Variants in ACYP2 observed in about 807,000 individuals in gnomAD.
ACYP2 encodes acylphosphatase-2.
A neutral mutation model predicts 11.2 loss-of-function variants in ACYP2; 12 were observed. That is an observed-to-expected ratio of 1.08 (90% confidence interval 0.69 to 1.74). The LOEUF is 1.74. Ranked by LOEUF, ACYP2 falls within the 40% of genes most tolerant of loss-of-function variation. The probability of loss-of-function intolerance (pLI) is 0.00; values close to 1 mark genes in which losing one functional copy is unlikely to be tolerated. For synonymous variants in ACYP2, 43 were observed against 32.2 expected (o/e 1.33, Z -1.13); for missense variants, 134 against 101.9 (o/e 1.31, Z -1.35).
chr2:54,255,844 G>A (rs778072428), intron 6 of ACYP2: 1 of 1,613,986 alleles, frequency 6.2e-7, no homozygotes, highest in Admixed American at 1.7e-5. Flanking sequence ...TGTCAGCGAG[G>A]CAGAGGCCGC....
chr2:54,170,572 T>A lies in ACYP2; in HGVS notation c.404+31824T>A, dbSNP rs1683181580. ...GAAATTTTTCTTAAAACAGTTTTTT[T>A]TTTTTTTTAAAATCACAGAATAGAC... On this transcript the variant is annotated intron_variant, in intron 6 of 6. Coordinates refer to ENST00000607452, the MANE Select transcript of ACYP2 (RefSeq NM_001320586.2). Among the ~76,000 whole-genome samples, 4 of 131,148 alleles carry A rather than the reference T, an allele frequency of 3.0e-5. No individual in the cohort carries two copies. The South Asian group carries it at 1.0e-3, about 34-fold the overall frequency. 86.0% of individuals were successfully genotyped at this position (131,148 alleles called of 152,430 possible). A position where few individuals can be genotyped will look rare whatever the true frequency, so the allele number is the denominator to read the frequency against.
intron 2 of ACYP2, among the ~76,000 whole-genome samples, chr2:54,003,129 A>G (rs756950060): frequency 2.6e-5 from 4 of 151,248 alleles, no homozygotes; most frequent in Admixed American, 6.6e-5. Context: ...TTTTATTTTT[A>G]ATAAGGACAG....
At chr2:54,258,427 C>G (rs899942011) in intron 6 of ACYP2, among the ~76,000 whole-genome samples, 2 of 152,046 alleles carry the variant, frequency 1.3e-5, no homozygotes, top group African/African-American at 4.8e-5. Context: ...AACAAGGAGG[C>G]CAGCGTGACT....
chr2:54,116,428 T>C (rs529119890), intron 4 of ACYP2, among the ~76,000 whole-genome samples: 8 of 151,964 alleles, frequency 5.3e-5, no homozygotes, highest in Admixed American at 3.9e-4. Flanking sequence ...GAAATTTTAC[T>C]CATTTCTTTT....
At chr2:54,000,405 C>T (rs2075959988) in intron 2 of ACYP2, among the ~76,000 whole-genome samples, 1 of 152,140 alleles carries the variant, frequency 6.6e-6, no homozygotes, top group South Asian at 2.1e-4. Context: ...TTCTGGAATC[C>T]ATGATCTGTA....
intron 6 of ACYP2, among the ~76,000 whole-genome samples, chr2:54,209,461 A>G (rs1194416320): frequency 6.6e-6 from 1 of 152,202 alleles, no homozygotes; most frequent in Non-Finnish European, 1.5e-5. Flanking sequence ...TCAGTCAACA[A>G]GTACACTTCT....
chr2:54,179,676 G>C (rs528467552), intron 6 of ACYP2, among the ~76,000 whole-genome samples: 6 of 152,234 alleles, frequency 3.9e-5, no homozygotes, highest in Non-Finnish European at 8.8e-5. Context: ...CAGCAATGAG[G>C]ATGACCAGAG....
At chr2:53,995,062 C>T (rs1265558759) in intron 2 of ACYP2, among the ~76,000 whole-genome samples, 1 of 152,266 alleles carries the variant, frequency 6.6e-6, no homozygotes, top group East Asian at 1.9e-4. Context: ...AAAGAATATT[C>T]AAAAGAAATT....
chr2:54,012,292 G>A (rs966775417), intron 2 of ACYP2, among the ~76,000 whole-genome samples: 3 of 151,566 alleles, frequency 2.0e-5, no homozygotes, highest in Non-Finnish European at 2.9e-5. Context: ...GATCACTTAA[G>A]TTTAGGAGTT....
At chr2:54,265,819 C>T (rs1358884161) in intron 6 of ACYP2, among the ~76,000 whole-genome samples, 1 of 152,132 alleles carries the variant, frequency 6.6e-6, no homozygotes, top group Non-Finnish European at 1.5e-5. Flanking sequence ...TGCCTACCTC[C>T]CAGAATTGTT....
At chr2:54,166,911 C>T (rs1004705889) in intron 6 of ACYP2, 6 of 152,020 alleles carry the variant, frequency 3.9e-5, no homozygotes, top group Admixed American at 1.3e-4. Context: ...ATAAAGGACT[C>T]TTAAAATTTA....
intron 6 of ACYP2, among the ~76,000 whole-genome samples, chr2:54,273,041 C>T (rs972645013): frequency 6.6e-6 from 1 of 152,150 alleles, no homozygotes; most frequent in Non-Finnish European, 1.5e-5. Flanking sequence ...TAGGAAGGAT[C>T]AAGGTGGGAA....
intron 6 of ACYP2, among the ~76,000 whole-genome samples, chr2:54,151,656 G>A (rs1182973170): frequency 2.0e-5 from 3 of 151,936 alleles, no homozygotes; most frequent in Non-Finnish European, 4.4e-5. Flanking sequence ...CAGTAGAGTT[G>A]GAATTCTAAC....
At chr2:54,106,361 G>C (rs901751763) in intron 4 of ACYP2, among the ~76,000 whole-genome samples, 1 of 151,820 alleles carries the variant, frequency 6.6e-6, no homozygotes, top group Non-Finnish European at 1.5e-5. Flanking sequence ...ACCGTTCCCA[G>C]ACAAATATCA....
chr2:54,283,070 T>C (rs561766126), intron 6 of ACYP2, among the ~76,000 whole-genome samples: 4 of 152,362 alleles, frequency 2.6e-5, no homozygotes, highest in African/African-American at 9.6e-5. Flanking sequence ...TTTTATACTT[T>C]GCACAGTGGT....
At chr2:54,116,502 G>T (rs1226976687) in intron 4 of ACYP2, among the ~76,000 whole-genome samples, 24 of 129,228 alleles carry the variant, frequency 1.9e-4, no homozygotes, top group Admixed American at 3.1e-4. Context: ...TTGCTTGAGG[G>T]TTTTTTTTTT....
chr2:54,237,525 C>G (rs964361846), intron 6 of ACYP2, among the ~76,000 whole-genome samples: 5 of 152,028 alleles, frequency 3.3e-5, no homozygotes, highest in Non-Finnish European at 5.9e-5. Flanking sequence ...AGTAATTTTA[C>G]TGGTAGAGAA....
chr2:54,267,722 T>C (rs982441498), intron 6 of ACYP2, among the ~76,000 whole-genome samples: 2 of 152,204 alleles, frequency 1.3e-5, no homozygotes, highest in African/African-American at 4.8e-5. Flanking sequence ...TTTCCACTTG[T>C]GGGTTACAAT....
chr2:54,072,505 CTCTCTCTTTCTTTCT>C (rs1176205544), intron 4 of ACYP2, among the ~76,000 whole-genome samples: 2 of 78,424 alleles, frequency 2.6e-5, no homozygotes, highest in African/African-American at 7.8e-5. Flanking sequence ...CTTTCTCTCT[CTCTCTCTTTCTTTCT>C]TCTTTCTTTC....
Sources: allele counts gnomAD v4.1 joint callset (sites outside exome capture counted in the v4.1 genomes callset), GRCh38; gene constraint gnomAD v4.1.1; transcripts MANE v1.5; gene names NCBI Gene and HGNC (gene_info 2026-07-23, HGNC 2026-07-21).